RUNX1: variants seen among roughly 807,000 people sequenced by gnomAD.
The protein encoded by RUNX1 is runt-related transcription factor 1.
Under a neutral mutation model 42.8 loss-of-function variants are expected in RUNX1, and 19 were observed. That is an observed-to-expected ratio of 0.44 (90% confidence interval 0.31 to 0.65). RUNX1 has a LOEUF of 0.65. Among genes scored for constraint, RUNX1 ranks in the 30% least tolerant of loss-of-function variants. RUNX1 has a pLI of 0.07. For synonymous variants in RUNX1, 271 were observed against 289.4 expected (o/e 0.94, Z 0.64); for missense variants, 528 against 672.0 (o/e 0.79, Z 2.37).
In RUNX1 at chr21:34,976,524, T is replaced by C. The variant is rs145611035; in HGVS notation, c.58+72318A>G. Among the ~76,000 whole-genome samples the C allele has an allele frequency of 8.6e-4, 131 of 152,356 alleles. 4 individuals are homozygous for C. In the East Asian group the frequency reaches 0.018, roughly 21 times the overall value. On this transcript the variant is annotated intron_variant, in intron 2 of 8. Coordinates refer to ENST00000675419, the MANE Select transcript of RUNX1 (RefSeq NM_001754.5). ...CCCCCTGGGTGCAATATTGCTCCCATTGGGACTGCATGGTGTAGGCCCAAG... is the reference window on the plus strand; with the variant it reads ...CCCCCTGGGTGCAATATTGCTCCCACTGGGACTGCATGGTGTAGGCCCAAG...
chr21:34,854,847 G>T (rs952605634), intron 6 of RUNX1, among the ~76,000 whole-genome samples: 107 of 152,280 alleles, frequency 7.0e-4, no homozygotes, highest in Non-Finnish European at 1.3e-3. Flanking sequence ...GAGGAGGGGG[G>T]CAGCTGCAGA....
At position 34,843,113 on chromosome 21, in the gene RUNX1, T is replaced by C. The variant is rs1037249014; in HGVS notation, c.614-8512A>G. The stretch of plus-strand genomic sequence containing the variant: ...AAATATAGATACACATGGACACACA[T>C]GTATAAACACACATACAGACACACA... On this transcript the variant is annotated intron_variant, in intron 6 of 8. Transcript: ENST00000675419. This position sits in a 1 kb window ranked among gnomAD's most constrained non-coding sequence, Gnocchi z 4.8. 6.6e-6 allele frequency among the ~76,000 whole-genome samples: 1 copy of C among 151,854 alleles called. No homozygotes were observed. Among genetic ancestry groups the C allele is most frequent in the Non-Finnish European group, 1.5e-5 (1 of 67,940 alleles).
chr21:34,924,543 A>T (rs1404650015), intron 2 of RUNX1, among the ~76,000 whole-genome samples: 1 of 152,196 alleles, frequency 6.6e-6, no homozygotes, highest in Non-Finnish European at 1.5e-5. Context: ...ACATGTGCAC[A>T]GTCATGGTGG....
intron 2 of RUNX1, among the ~76,000 whole-genome samples, chr21:34,898,084 G>T (rs191678760): frequency 1.5e-3 from 230 of 152,206 alleles, no homozygotes; most frequent in African/African-American, 5.0e-3. Context: ...GATGCCGAGG[G>T]TGACCCCTGA....
At chr21:34,994,065 C>T (rs1051328642) in intron 2 of RUNX1, among the ~76,000 whole-genome samples, 30 of 152,250 alleles carry the variant, frequency 2.0e-4, no homozygotes, top group African/African-American at 6.0e-4. Context: ...GCCCCGTTAG[C>T]AACAGAGGAA....
chr21:34,887,362 T>C, intron 3 of RUNX1: 1 of 1,427,020 alleles, frequency 7.0e-7, no homozygotes, highest in South Asian at 1.5e-5. Flanking sequence ...AGCAACCGAT[T>C]GCTTAGTGCA....
At chr21:34,798,804 A>T (rs2056566753) in intron 8 of RUNX1, among the ~76,000 whole-genome samples, 2 of 152,124 alleles carry the variant, frequency 1.3e-5, no homozygotes, top group Admixed American at 1.3e-4. Context: ...GAGGGACTTG[A>T]GCATCCATGG....
chr21:34,989,609 G>A (rs1445995220), intron 2 of RUNX1, among the ~76,000 whole-genome samples: 1 of 152,034 alleles, frequency 6.6e-6, no homozygotes. Flanking sequence ...AAGCTCTGAG[G>A]ATGATTCTTT....
chr21:34,941,830 CTTT>C (rs201225102), intron 2 of RUNX1, among the ~76,000 whole-genome samples: 2 of 138,548 alleles, frequency 1.4e-5, no homozygotes, highest in African/African-American at 2.6e-5. Flanking sequence ...TATTTTTTTC[CTTT>C]TTTTTTTTTT....
chr21:34,795,864 A>G (rs939156555), intron 8 of RUNX1, among the ~76,000 whole-genome samples: 2 of 152,254 alleles, frequency 1.3e-5, no homozygotes, highest in African/African-American at 4.8e-5. Context: ...GAGGAAAAGC[A>G]TTAGGCAAAT....
intron 2 of RUNX1, among the ~76,000 whole-genome samples, chr21:35,040,378 T>C (rs1043870802): frequency 2.0e-5 from 3 of 152,262 alleles, no homozygotes; most frequent in African/African-American, 7.2e-5. Flanking sequence ...AAACAAACAT[T>C]GATAGCTATA....
intron 2 of RUNX1, among the ~76,000 whole-genome samples, chr21:34,987,293 G>A (rs560875068): frequency 6.6e-6 from 1 of 152,300 alleles, no homozygotes; most frequent in Admixed American, 6.5e-5. Flanking sequence ...GCAAGAACAG[G>A]AGCATGTAGC....
At chr21:34,856,575 G>A (rs777909272) in intron 6 of RUNX1, 19 of 399,524 alleles carry the variant, frequency 4.8e-5, no homozygotes, top group Non-Finnish European at 6.8e-5. Flanking sequence ...TTCTGTTAAC[G>A]CTTCATCATC....
intron 2 of RUNX1, among the ~76,000 whole-genome samples, chr21:35,009,726 C>T (rs2059111901): frequency 6.6e-6 from 1 of 152,068 alleles, no homozygotes. Flanking sequence ...CAGGGACACA[C>T]CATGCTTCTG....
chr21:34,852,289 T>C (rs1422535210), intron 6 of RUNX1, among the ~76,000 whole-genome samples: 1 of 152,180 alleles, frequency 6.6e-6, no homozygotes, highest in East Asian at 1.9e-4. Flanking sequence ...CACTCAGAGC[T>C]GCACCAGGTG....
At chr21:34,892,310 A>G (rs930240400) in intron 3 of RUNX1, among the ~76,000 whole-genome samples, 1 of 152,048 alleles carries the variant, frequency 6.6e-6, no homozygotes, top group Admixed American at 6.5e-5. Flanking sequence ...TTAATTAAAC[A>G]TTTTTTTCTT....
chr21:34,821,598 G>C (rs1450861992), intron 7 of RUNX1: 1 of 1,550,920 alleles, frequency 6.4e-7, no homozygotes, highest in Non-Finnish European at 8.7e-7. Flanking sequence ...AGTCTCTTCT[G>C]AGGATGAGAT....
intron 2 of RUNX1, among the ~76,000 whole-genome samples, chr21:34,920,666 C>T (rs895545079): frequency 1.8e-4 from 28 of 152,160 alleles, no homozygotes; most frequent in African/African-American, 6.3e-4. Context: ...GAGGCCATCC[C>T]TATTTCTCTT....
intron 6 of RUNX1, among the ~76,000 whole-genome samples, chr21:34,850,680 G>A (rs2057405246): frequency 6.6e-6 from 1 of 152,070 alleles, no homozygotes; most frequent in Non-Finnish European, 1.5e-5. Flanking sequence ...AGTGACTTAG[G>A]AACAGTGCCC....
Sources: gnomAD v4.1 joint callset for allele counts (sites outside exome capture counted in the v4.1 genomes callset) on GRCh38, gnomAD v4.1.1 for gene constraint, Gnocchi (gnomAD v3.1) non-coding constraint, MANE v1.5 for transcripts, NCBI Gene and HGNC (gene_info 2026-07-23, HGNC 2026-07-21) for gene names.